Variants in CPPED1 observed in about 807,000 individuals in gnomAD.
CPPED1 encodes the protein calcineurin like phosphoesterase domain containing 1.
Under a neutral mutation model 28.0 loss-of-function variants are expected in CPPED1, and 28 were observed. The observed-to-expected ratio is 1.00, with a 90% CI of 0.74 to 1.37. The LOEUF is 1.37. Among genes scored for constraint, CPPED1 ranks in the 40% most tolerant of loss-of-function variants. The probability of loss-of-function intolerance (pLI) is 0.00; values close to 1 mark genes in which losing one functional copy is unlikely to be tolerated. For missense variants in CPPED1, 504 were observed against 416.5 expected, an observed-to-expected ratio of 1.21 and a Z score of -1.83; for synonymous variants, 198 against 180.2, an observed-to-expected ratio of 1.10 and a Z score of -0.79.
At chr16:12,698,042 G>A (rs550330996) in intron 3 of CPPED1, among the ~76,000 whole-genome samples, 29 of 152,146 alleles carry the variant, frequency 1.9e-4, no homozygotes, top group Middle Eastern at 3.4e-3. Context: ...CCTGGGAGGC[G>A]GAAGTTGCAG....
intron 3 of CPPED1, among the ~76,000 whole-genome samples, chr16:12,687,130 T>C (rs2079937456): frequency 6.6e-6 from 1 of 152,202 alleles, no homozygotes; most frequent in Admixed American, 6.5e-5. Flanking sequence ...TCATGCTCTT[T>C]ACAGAAACCG....
At chr16:12,747,030 C>T (rs2080293387) in intron 2 of CPPED1, among the ~76,000 whole-genome samples, 1 of 150,570 alleles carries the variant, frequency 6.6e-6, no homozygotes, top group African/African-American at 2.5e-5. Flanking sequence ...TTTTGGAATC[C>T]AGGCTTTCCA....
chr16:12,704,701 A>G lies in CPPED1; in HGVS notation c.638T>C (p.Ile213Thr). The G allele has an allele frequency of 6.2e-7, 1 of 1,614,184 alleles. No individual in the cohort carries two copies. Among genetic ancestry groups the G allele is most frequent in the Non-Finnish European group, 8.5e-7 (1 of 1,180,026 alleles). ...GAAGTAGTAGTCGTCGTCCTCGTCGATGCTCTCCAGGAACAGCGGGATGTG... is the reference window on the plus strand; with the variant it reads ...GAAGTAGTAGTCGTCGTCCTCGTCGGTGCTCTCCAGGAACAGCGGGATGTG... The part of the protein sequence containing the change: ...FQHIPLFLES[I>T]DEDDDYYFNL... Residue 213 changes from isoleucine to threonine, a missense_variant, in exon 3 of 4, where the codon ATC (isoleucine) becomes ACC (threonine). Ile to Thr is a moderately conservative substitution (Grantham distance 89). Transcript: ENST00000381774.
chr16:12,758,511 T>C (rs2080386811), intron 2 of CPPED1, among the ~76,000 whole-genome samples: 3 of 152,302 alleles, frequency 2.0e-5, no homozygotes, highest in Middle Eastern at 3.4e-3. Context: ...CTCATAGCCA[T>C]GACAATTACT....
intron 2 of CPPED1, among the ~76,000 whole-genome samples, chr16:12,727,633 A>G (rs1263133418): frequency 6.6e-6 from 1 of 152,126 alleles, no homozygotes; most frequent in Non-Finnish European, 1.5e-5. Flanking sequence ...ACAGGCATGA[A>G]CCACCATGCC....
intron 3 of CPPED1, among the ~76,000 whole-genome samples, chr16:12,695,874 T>C (rs1011824168): frequency 1.3e-5 from 2 of 152,232 alleles, no homozygotes; most frequent in African/African-American, 4.8e-5. Flanking sequence ...TTTGCTCAAC[T>C]AAACTGTGAA....
At chr16:12,691,866 T>C (rs1378669193) in intron 3 of CPPED1, among the ~76,000 whole-genome samples, 1 of 148,098 alleles carries the variant, frequency 6.8e-6, no homozygotes, top group Non-Finnish European at 1.5e-5. Context: ...TAATGTTAAA[T>C]GATGAGTTAA....
At chr16:12,703,631 G>A (rs1311127578) in intron 3 of CPPED1, among the ~76,000 whole-genome samples, 5 of 148,432 alleles carry the variant, frequency 3.4e-5, no homozygotes, top group Admixed American at 1.4e-4. Context: ...GCAGTGAGCC[G>A]AGATTTTGCC....
chr16:12,751,002 C>A (rs12932245), intron 2 of CPPED1, among the ~76,000 whole-genome samples: 73,170 of 150,926 alleles, frequency 0.48, 18,539 homozygotes, highest in Admixed American at 0.59. Flanking sequence ...ACAACAACAA[C>A]AAAAAAAACA....
chr16:12,697,569 G>A (rs539531934), intron 3 of CPPED1, among the ~76,000 whole-genome samples: 13 of 152,286 alleles, frequency 8.5e-5, no homozygotes, highest in Admixed American at 2.0e-4. Flanking sequence ...GAGCAAGAGC[G>A]TCACCCTGTA....
chr16:12,754,202 GCT>G (rs1246582897), intron 2 of CPPED1, among the ~76,000 whole-genome samples: 2 of 152,198 alleles, frequency 1.3e-5, no homozygotes, highest in Non-Finnish European at 2.9e-5. Flanking sequence ...GGGTTTAGAG[GCT>G]CTGTTTGATG....
At chr16:12,792,308 C>T (rs907789474) in intron 1 of CPPED1, among the ~76,000 whole-genome samples, 1 of 152,086 alleles carries the variant, frequency 6.6e-6, no homozygotes, top group African/African-American at 2.4e-5. Flanking sequence ...TCCCATCAGA[C>T]CAGGGATGAT....
chr16:12,713,554 C>T (rs1176957032), intron 2 of CPPED1, among the ~76,000 whole-genome samples: 7 of 152,052 alleles, frequency 4.6e-5, no homozygotes, highest in South Asian at 2.1e-4. Flanking sequence ...TTAGTAGAGA[C>T]GGGGTTTCAT....
Position 12,697,379 on chromosome 16 carries a change from A to AACCC in CPPED1, c.715+7244_715+7245insGGGT, listed in dbSNP as rs1288183343. Among the ~76,000 whole-genome samples, 393 of 39,814 alleles carry AACCC rather than the reference A, an allele frequency of 9.9e-3. 4 individuals carry two copies. Among genetic ancestry groups the AACCC allele is most frequent in the African/African-American group, 0.089 (377 of 4,218 alleles). The allele number at this position is 39,814 out of a possible 152,430, so 26.1% of individuals were successfully genotyped here. A position where few individuals can be genotyped will look rare whatever the true frequency, so the allele number is the denominator to read the frequency against. On this transcript the variant is annotated intron_variant, in intron 3 of 3. Coordinates refer to ENST00000381774, the MANE Select transcript of CPPED1 (RefSeq NM_018340.3). ...ATGCACCATGGACCCTCTTGTCTGC[A>AACCC]ATCCATCACATCCTGGTCTTCAGGG... is the stretch of plus-strand genomic sequence containing the variant.
intron 2 of CPPED1, among the ~76,000 whole-genome samples, chr16:12,724,795 CT>C (rs1196980903): frequency 2.0e-5 from 3 of 151,670 alleles, no homozygotes; most frequent in Non-Finnish European, 4.4e-5. Flanking sequence ...GATTCTTTTT[CT>C]TTTTTTTTGA....
intron 3 of CPPED1, among the ~76,000 whole-genome samples, chr16:12,672,474 T>C (rs562938290): frequency 1.3e-5 from 2 of 152,350 alleles, no homozygotes; most frequent in Admixed American, 1.3e-4. Context: ...CACCAAAAGG[T>C]GCCAAATACC....
chr16:12,803,609 G>C (rs894117485), intron 1 of CPPED1, 98 bp downstream of exon 1: 1 of 1,074,944 alleles, frequency 9.3e-7, no homozygotes, highest in Non-Finnish European at 1.3e-6. Context: ...GCCCCGGATG[G>C]TGTCCGACTG....
intron 2 of CPPED1, among the ~76,000 whole-genome samples, chr16:12,742,386 CTAAACATAT>C (rs567908238): frequency 6.6e-6 from 1 of 152,264 alleles, no homozygotes; most frequent in South Asian, 2.1e-4. Context: ...AAATTCCTAA[CTAAACATAT>C]TAAAGGAATT....
At chr16:12,719,705 C>A (rs2080128181) in intron 2 of CPPED1, among the ~76,000 whole-genome samples, 1 of 152,168 alleles carries the variant, frequency 6.6e-6, no homozygotes, top group Non-Finnish European at 1.5e-5. Flanking sequence ...AAGGCCAAGG[C>A]ATGTGGATCA....
Sources: gnomAD v4.1 joint callset for allele counts (sites outside exome capture counted in the v4.1 genomes callset) on GRCh38, gnomAD v4.1.1 for gene constraint, MANE v1.5 for transcripts, NCBI Gene and HGNC (gene_info 2026-07-23, HGNC 2026-07-21) for gene names.